Variants in KLHDC4 observed in about 807,000 individuals in gnomAD.
KLHDC4 encodes the protein kelch domain containing 4.
In KLHDC4, 90 loss-of-function variants were observed where a neutral mutation model predicts 62.4. The observed-to-expected ratio is 1.44, with a 90% confidence interval of 1.22 to 1.72. The LOEUF is 1.72. Among genes scored for constraint, KLHDC4 ranks in the 40% most tolerant of loss-of-function variants. The probability of loss-of-function intolerance (pLI) is 0.00; values close to 1 mark genes in which losing one functional copy is unlikely to be tolerated. For synonymous variants in KLHDC4, 386 were observed against 284.4 expected, an observed-to-expected ratio of 1.36 and a Z score of -3.59; for missense variants, 1,025 against 699.7, an observed-to-expected ratio of 1.47 and a Z score of -5.25.
chr16:87,704,298 G>A (rs1025913365), downstream of KLHDC4, among the ~76,000 whole-genome samples: 2 of 151,302 alleles, frequency 1.3e-5, no homozygotes, highest in African/African-American at 2.4e-5. Flanking sequence ...GGAGGGTCCT[G>A]AACCACACGG....
In KLHDC4 at chr16:87,709,820, G is replaced by A. The variant is rs115702188; in HGVS notation, c.1045-153C>T. 2.7e-3 allele frequency: 2,317 copies of A among 870,880 alleles called. 40 individuals carry two copies. In the African/African-American group the frequency reaches 0.035, roughly 13 times the overall value. The allele number at this position is 870,880 out of a possible 1,614,324, so 53.9% of individuals were successfully genotyped here. On this transcript the variant is annotated intron_variant, in intron 9 of 11. Coordinates refer to ENST00000270583, the MANE Select transcript of KLHDC4 (RefSeq NM_017566.4). Reference sequence around the variant, plus strand: ...AAGGCGCCATCCCTGACTGCCCTGGGTGCAGGCACTGGGCTGCAGGAGCAC... The same window carrying A: ...AAGGCGCCATCCCTGACTGCCCTGGATGCAGGCACTGGGCTGCAGGAGCAC...
chr16:87,745,980 T>C (rs2042976976), intron 5 of KLHDC4, among the ~76,000 whole-genome samples: 1 of 151,978 alleles, frequency 6.6e-6, no homozygotes, highest in Non-Finnish European at 1.5e-5. Flanking sequence ...ATTAAGCAGC[T>C]CAGCCTGGCA....
chr16:87,733,359 A>C (rs995575314), intron 5 of KLHDC4, among the ~76,000 whole-genome samples: 7 of 152,204 alleles, frequency 4.6e-5, no homozygotes, highest in African/African-American at 1.7e-4. Flanking sequence ...GGTGCTCAGA[A>C]AGCTCGCAGA....
At chr16:87,739,353 G>T (rs192744646) in intron 5 of KLHDC4, among the ~76,000 whole-genome samples, 1,462 of 122,442 alleles carry the variant, frequency 0.012, 72 homozygotes, top group African/African-American at 0.046. Context: ...CCACACACCA[G>T]CATCTCATCC....
intron 1 of KLHDC4, among the ~76,000 whole-genome samples, chr16:87,764,646 CAAAAAAAAAAAAAAAAAA>C (rs564692904): frequency 4.1e-4 from 14 of 33,820 alleles, no homozygotes; most frequent in African/African-American, 1.4e-3. Flanking sequence ...GAAACTCCTT[CAAAAAAAAAAAAAAAAAA>C]AAAAAAAAAA....
At chr16:87,765,091 G>A (rs1158734602) in intron 1 of KLHDC4, 2 of 455,788 alleles carry the variant, frequency 4.4e-6, no homozygotes, top group Non-Finnish European at 8.8e-6. Flanking sequence ...AAAGCCCAGG[G>A]AGCTGTGCCT....
exon 1 of KLHDC4, chr16:87,702,279 G>T (rs1378003015): frequency 4.4e-6 from 2 of 456,360 alleles, no homozygotes; most frequent in Non-Finnish European, 4.4e-6. Flanking sequence ...GGCAGCCACT[G>T]TTTGGCAAGG....
At chr16:87,735,988 G>A (rs549965385) in intron 5 of KLHDC4, among the ~76,000 whole-genome samples, 1 of 152,354 alleles carries the variant, frequency 6.6e-6, no homozygotes, top group South Asian at 2.1e-4. Flanking sequence ...TAAGCACTCT[G>A]CATGCAAACG....
chr16:87,757,210 C>T, intron 2 of KLHDC4: 1 of 152,112 alleles, frequency 6.6e-6, no homozygotes, highest in Non-Finnish European at 1.5e-5. Flanking sequence ...TGGCTCCTGC[C>T]TGTAATCCCA....
intron 5 of KLHDC4, among the ~76,000 whole-genome samples, chr16:87,741,724 C>T (rs2042271291): frequency 6.6e-6 from 1 of 152,200 alleles, no homozygotes; most frequent in African/African-American, 2.4e-5. Context: ...CTCTATTCTG[C>T]CTTCCTACAA....
intron 5 of KLHDC4, among the ~76,000 whole-genome samples, chr16:87,744,746 A>G (rs1441684609): frequency 1.3e-5 from 2 of 152,246 alleles, no homozygotes; most frequent in Non-Finnish European, 2.9e-5. Flanking sequence ...ATACCAAGAA[A>G]AGATCAATGA....
chr16:87,713,717 T>G (rs188045098), intron 8 of KLHDC4, among the ~76,000 whole-genome samples: 5 of 151,892 alleles, frequency 3.3e-5, no homozygotes, highest in African/African-American at 9.7e-5. Context: ...TAGAAGGTGG[T>G]GAGAGTGGCT....
chr16:87,751,550 T>C (rs770177145), intron 4 of KLHDC4, among the ~76,000 whole-genome samples: 7 of 151,968 alleles, frequency 4.6e-5, no homozygotes, highest in Admixed American at 1.3e-4. Flanking sequence ...TTAGGGAGAA[T>C]AGACAATGGA....
intron 5 of KLHDC4, among the ~76,000 whole-genome samples, chr16:87,732,576 CACAT>C (rs2040576687): frequency 6.6e-6 from 1 of 152,134 alleles, no homozygotes; most frequent in Admixed American, 6.5e-5. Context: ...ACACAAATAA[CACAT>C]AAATAACTAC....
chr16:87,743,838 G>A (rs1025570722), intron 5 of KLHDC4, among the ~76,000 whole-genome samples: 15 of 152,140 alleles, frequency 9.9e-5, no homozygotes, highest in Non-Finnish European at 1.8e-4. Context: ...CATAGCCCAG[G>A]TTTAAATTCT....
intron 4 of KLHDC4, among the ~76,000 whole-genome samples, chr16:87,751,354 A>G (rs1363474770): frequency 6.6e-6 from 1 of 152,062 alleles, no homozygotes. Flanking sequence ...TGCGCCTGTA[A>G]ACCCAGCTAC....
At chr16:87,727,072 A>G in intron 6 of KLHDC4, 148 bp from the exon 7 acceptor site, 1 of 795,094 alleles carries the variant, frequency 1.3e-6, no homozygotes. Flanking sequence ...ACACCAACAC[A>G]ACAATCAACA....
At chr16:87,715,155 C>T (rs1271202952) in intron 7 of KLHDC4, among the ~76,000 whole-genome samples, 1 of 152,224 alleles carries the variant, frequency 6.6e-6, no homozygotes, top group Non-Finnish European at 1.5e-5. Context: ...ACACCCATTA[C>T]CTGGGACCTA....
At chr16:87,720,743 T>C (rs1288646707) in intron 7 of KLHDC4, among the ~76,000 whole-genome samples, 2 of 152,214 alleles carry the variant, frequency 1.3e-5, no homozygotes, top group Non-Finnish European at 2.9e-5. Context: ...ATCACTTCCA[T>C]CAGCACCACT....
Sources: allele counts gnomAD v4.1 joint callset (sites outside exome capture counted in the v4.1 genomes callset), GRCh38; gene constraint gnomAD v4.1.1; transcripts MANE v1.5; gene names NCBI Gene and HGNC (gene_info 2026-07-23, HGNC 2026-07-21).